ANKFN1: variants seen among roughly 807,000 people sequenced by gnomAD.
ANKFN1 encodes the protein ankyrin repeat and fibronectin type III domain containing 1.
ANKFN1 carries 74 observed loss-of-function variants against 108.7 expected under a neutral mutation model. That is an observed-to-expected ratio of 0.68 (90% CI 0.56 to 0.83). The LOEUF is 0.83. ANKFN1 is among the 40% of genes least tolerant of loss of function. ANKFN1 has a pLI of 0.00. For missense variants in ANKFN1, 1,505 were observed against 1,382.3 expected, an observed-to-expected ratio of 1.09 and a Z score of -1.41; for synonymous variants, 547 against 516.2, an observed-to-expected ratio of 1.06 and a Z score of -0.81.
intron 1 of ANKFN1, among the ~76,000 whole-genome samples, chr17:56,175,946 G>C (rs1393972864): frequency 1.3e-5 from 2 of 149,390 alleles, no homozygotes; most frequent in South Asian, 2.1e-4. Flanking sequence ...GGAGTTGGGG[G>C]TGGGAGGTCT....
In ANKFN1 at chr17:56,468,971, A is replaced by C. The variant is rs376962026; in HGVS notation, c.1773+2400A>C. ...GGTGACTAATACACTAATCCCCTAT[A>C]GGGATAAACTAGGGTCTGGGCTACC... is the stretch of plus-strand genomic sequence containing the variant. On this transcript the variant is annotated intron_variant, in intron 15 of 20. Transcript: ENST00000682825. 3.5e-4 allele frequency among the ~76,000 whole-genome samples: 54 copies of C among 152,320 alleles called. 1 individual carries two copies. In the East Asian group the frequency reaches 9.5e-3, roughly 27 times the overall value.
chr17:56,480,695 T>C lies in ANKFN1; in HGVS notation c.1968T>C (p.Leu656=), dbSNP rs758257564. Residue 656 remains leucine (L), a synonymous_variant, in exon 17 of 21, where the codon CTT becomes CTC. Coordinates refer to ENST00000682825, the MANE Select transcript of ANKFN1 (RefSeq NM_001370326.1). ...AGGAATGGGAATGGATCCAAAAGCT[T>C]TCTGGCTCTGAATCTATGGAAAGTG... The part of the protein sequence containing the change: ...SREEWEWIQK[L]SGSESMESVD... 6.2e-7 allele frequency: 1 copy of C among 1,613,940 alleles called. No individual in the cohort carries two copies. The highest frequency in any genetic ancestry group is 2.2e-5 in the East Asian group (1 of 44,864).
At chr17:56,183,398 T>C (rs1231426837) in intron 1 of ANKFN1, among the ~76,000 whole-genome samples, 2 of 152,180 alleles carry the variant, frequency 1.3e-5, no homozygotes, top group African/African-American at 2.4e-5. Flanking sequence ...CCAAATCTCA[T>C]GTAGAAATGT....
chr17:56,506,479 G>C (rs968628958), intron 20 of ANKFN1, among the ~76,000 whole-genome samples: 1 of 152,066 alleles, frequency 6.6e-6, no homozygotes, highest in African/African-American at 2.4e-5. Flanking sequence ...CCAGAAGCTA[G>C]AAGAGGCAAG....
At chr17:56,407,931 CTTTTTT>C (rs761975892) in intron 8 of ANKFN1, among the ~76,000 whole-genome samples, 9 of 104,644 alleles carry the variant, frequency 8.6e-5, no homozygotes, top group Admixed American at 5.2e-4. Context: ...TCTTTTTTAT[CTTTTTT>C]TTTTTTTTTT....
chr17:56,190,792 T>C (rs1467458637), intron 1 of ANKFN1, among the ~76,000 whole-genome samples: 2 of 143,972 alleles, frequency 1.4e-5, no homozygotes, highest in Non-Finnish European at 3.0e-5. Flanking sequence ...CTCGTTGATC[T>C]GTCTAATGTT....
At chr17:56,123,777 G>A (rs1470911768) in intron 4 of ANKFN1, among the ~76,000 whole-genome samples, 1 of 151,554 alleles carries the variant, frequency 6.6e-6, no homozygotes, top group East Asian at 1.9e-4. Context: ...ATGTGTGTGA[G>A]CCTGTGTGCA....
chr17:56,198,628 T>C (rs550235991), intron 1 of ANKFN1, among the ~76,000 whole-genome samples: 57 of 152,356 alleles, frequency 3.7e-4, no homozygotes, highest in African/African-American at 1.2e-3. Context: ...TTTCACTCTT[T>C]AGTGTATCTG....
chr17:56,053,864 T>C lies in ANKFN1; in HGVS notation c.288+7539T>C, dbSNP rs9911243. On this transcript the variant is annotated intron_variant, in intron 4 of 12. Transcript: ENST00000635860. The stretch of plus-strand genomic sequence containing the variant: ...CTTAATTAATGAGGAAAAAAGGTAT[T>C]TTTTAAAAAAATTATTTCAATCACT... Among the ~76,000 whole-genome samples, 614 of 152,320 alleles carry C rather than the reference T, an allele frequency of 4.0e-3. 4 individuals are homozygous for C. Among genetic ancestry groups the C allele is most frequent in the African/African-American group, 0.014 (588 of 41,554 alleles).
chr17:56,158,736 G>C (rs1255417481), intron 1 of ANKFN1, among the ~76,000 whole-genome samples: 1 of 152,146 alleles, frequency 6.6e-6, no homozygotes, highest in Non-Finnish European at 1.5e-5. Context: ...TAACTTTACT[G>C]AGGCTAAAAT....
intron 4 of ANKFN1, among the ~76,000 whole-genome samples, chr17:56,338,565 TAC>T (rs749165349): frequency 1.3e-5 from 2 of 152,096 alleles, no homozygotes; most frequent in Non-Finnish European, 2.9e-5. Context: ...ACACAACAGA[TAC>T]AGTTTCCTTG....
At chr17:56,386,720 G>T (rs2047286186) in intron 8 of ANKFN1, among the ~76,000 whole-genome samples, 1 of 151,412 alleles carries the variant, frequency 6.6e-6, no homozygotes, top group South Asian at 2.1e-4. Flanking sequence ...AATAGTAGCT[G>T]TGAGAGTTTC....
chr17:56,333,810 A>G (rs548559019), intron 4 of ANKFN1, among the ~76,000 whole-genome samples: 10 of 152,250 alleles, frequency 6.6e-5, no homozygotes, highest in African/African-American at 2.4e-4. Flanking sequence ...AAGTATTAGC[A>G]TACGGAAAAA....
At chr17:56,217,990 A>G (rs531766201) in intron 2 of ANKFN1, among the ~76,000 whole-genome samples, 8 of 152,296 alleles carry the variant, frequency 5.3e-5, no homozygotes, top group Non-Finnish European at 8.8e-5. Context: ...GGCCACAGCT[A>G]TAGCTTAGAA....
chr17:56,318,874 G>A (rs550660745), intron 3 of ANKFN1, among the ~76,000 whole-genome samples: 1 of 150,830 alleles, frequency 6.6e-6, no homozygotes, highest in South Asian at 2.1e-4. Flanking sequence ...AAATGGAGAA[G>A]ATAGCATAAA....
chr17:56,061,203 T>G (rs979919253), intron 4 of ANKFN1, among the ~76,000 whole-genome samples: 1 of 152,052 alleles, frequency 6.6e-6, no homozygotes, highest in Non-Finnish European at 1.5e-5. Flanking sequence ...GTCTTTAGAT[T>G]TTCTAGTTTA....
At chr17:56,309,565 A>T (rs1449811292) in intron 3 of ANKFN1, among the ~76,000 whole-genome samples, 1 of 151,974 alleles carries the variant, frequency 6.6e-6, no homozygotes, top group East Asian at 1.9e-4. Context: ...TTTGATTCAT[A>T]GATTGGAAGA....
intron 19 of ANKFN1, among the ~76,000 whole-genome samples, chr17:56,492,641 G>C (rs1342906392): frequency 6.6e-6 from 1 of 152,092 alleles, no homozygotes; most frequent in Non-Finnish European, 1.5e-5. Flanking sequence ...CCCAGAAGCA[G>C]TAACTAGAAT....
At position 56,512,378 on chromosome 17, in the gene ANKFN1, T is replaced by A. The variant is rs562962731; in HGVS notation, c.*1109T>A. On this transcript the variant is annotated 3_prime_UTR_variant, in exon 21 of 21. Coordinates refer to ENST00000682825, the MANE Select transcript of ANKFN1 (RefSeq NM_001370326.1). Reference sequence around the variant, plus strand: ...CTGCCTTTCCCTTTCAACCTACCTCTCCTTAGGTCAAATTTGCCTCAAAAT... The same window carrying A: ...CTGCCTTTCCCTTTCAACCTACCTCACCTTAGGTCAAATTTGCCTCAAAAT... Among the ~76,000 whole-genome samples, 10 of 152,254 alleles carry A rather than the reference T, an allele frequency of 6.6e-5. No individual in the cohort carries two copies. The East Asian group carries it at 1.9e-3, about 29-fold the overall frequency.
Sources: gnomAD v4.1 joint callset for allele counts (sites outside exome capture counted in the v4.1 genomes callset) on GRCh38, gnomAD v4.1.1 for gene constraint, MANE v1.5 for transcripts, NCBI Gene and HGNC (gene_info 2026-07-23, HGNC 2026-07-21) for gene names.